SLIT1: variants seen among roughly 807,000 people sequenced by gnomAD.
SLIT1 encodes the protein slit guidance ligand 1.
SLIT1 carries 66 observed loss-of-function variants against 186.1 expected under a neutral mutation model. The ratio of observed to expected loss-of-function variants is 0.35; its 90% CI spans 0.29 to 0.44. SLIT1 has a LOEUF of 0.44. Ranked by LOEUF, SLIT1 falls within the 20% of genes least tolerant of loss-of-function variation. The pLI, the probability that SLIT1 is intolerant of heterozygous loss-of-function variation, is 1.00. For missense variants in SLIT1, 1,638 were observed against 2,037.4 expected (o/e 0.80, Z 3.77); for synonymous variants, 761 against 833.8 (o/e 0.91, Z 1.50).
At chr10:97,038,194 C>G (rs1848657635) in intron 21 of SLIT1, among the ~76,000 whole-genome samples, 2 of 152,200 alleles carry the variant, frequency 1.3e-5, no homozygotes, top group South Asian at 4.1e-4. Flanking sequence ...TGATTCACAG[C>G]CAGACTGCCC....
intron 3 of SLIT1, among the ~76,000 whole-genome samples, chr10:97,163,009 G>A (rs984146152): frequency 2.0e-5 from 3 of 152,214 alleles, no homozygotes; most frequent in African/African-American, 4.8e-5. Flanking sequence ...GACAGGTTCC[G>A]TTGGCACGGC....
chr10:97,141,859 C>T (rs1332918154), intron 4 of SLIT1, among the ~76,000 whole-genome samples: 6 of 152,132 alleles, frequency 3.9e-5, no homozygotes, highest in Non-Finnish European at 8.8e-5. Context: ...GTGGCATGCT[C>T]ATGGTTCACT....
intron 4 of SLIT1, among the ~76,000 whole-genome samples, chr10:97,151,599 G>A (rs571361518): frequency 6.6e-6 from 1 of 151,934 alleles, no homozygotes; most frequent in South Asian, 2.1e-4. Flanking sequence ...TGGAGGGGGT[G>A]GATGGGTGAG....
At chr10:97,072,008 T>A (rs1463420753) in intron 4 of SLIT1, among the ~76,000 whole-genome samples, 2 of 152,172 alleles carry the variant, frequency 1.3e-5, no homozygotes, top group Non-Finnish European at 2.9e-5. Flanking sequence ...GCCCAGTCTA[T>A]GCAAAGACGC....
intron 4 of SLIT1, among the ~76,000 whole-genome samples, chr10:97,107,728 C>T (rs566729189): frequency 6.6e-6 from 1 of 152,242 alleles, no homozygotes; most frequent in East Asian, 1.9e-4. Flanking sequence ...AAGGACCCTG[C>T]CCCACCCCCA....
intron 28 of SLIT1, among the ~76,000 whole-genome samples, chr10:97,016,753 G>T (rs1848457964): frequency 6.6e-6 from 1 of 152,172 alleles, no homozygotes; most frequent in South Asian, 2.1e-4. Flanking sequence ...AACTTAAAAT[G>T]AAAATTTTAG....
intron 4 of SLIT1, among the ~76,000 whole-genome samples, chr10:97,076,384 C>A (rs961839475): frequency 1.3e-5 from 2 of 152,176 alleles, no homozygotes; most frequent in African/African-American, 4.8e-5. Context: ...GGGTGGGACG[C>A]TGGGATGCAC....
At chr10:97,069,589 G>A (rs1848983944) in intron 4 of SLIT1, among the ~76,000 whole-genome samples, 1 of 152,212 alleles carries the variant, frequency 6.6e-6, no homozygotes, top group African/African-American at 2.4e-5. Flanking sequence ...GGGAGGAGAG[G>A]TGATCTCTGA....
intron 13 of SLIT1, among the ~76,000 whole-genome samples, chr10:97,055,406 G>T (rs922426938): frequency 1.3e-5 from 2 of 152,262 alleles, no homozygotes; most frequent in Non-Finnish European, 2.9e-5. Context: ...CGTTGCCCAG[G>T]TGGGAGTGCA....
At chr10:97,088,428 C>T (rs1199095195) in intron 4 of SLIT1, among the ~76,000 whole-genome samples, 1 of 152,146 alleles carries the variant, frequency 6.6e-6, no homozygotes, top group South Asian at 2.1e-4. Context: ...ACTGACAGCC[C>T]TAATTTCTAT....
intron 4 of SLIT1, among the ~76,000 whole-genome samples, chr10:97,067,737 C>T (rs957801571): frequency 3.9e-5 from 6 of 152,150 alleles, no homozygotes; most frequent in Admixed American, 6.5e-5. Context: ...CCAGACACAC[C>T]GGGGTCCTGA....
intron 13 of SLIT1, among the ~76,000 whole-genome samples, chr10:97,052,725 G>C (rs1158237014): frequency 6.6e-6 from 1 of 152,166 alleles, no homozygotes; most frequent in Non-Finnish European, 1.5e-5. Context: ...CTTCGCCACA[G>C]ATCTTGGAGC....
Position 97,002,521 on chromosome 10 carries a change from C to T in SLIT1, c.4155-152G>A, listed in dbSNP as rs1226716800. The stretch of plus-strand genomic sequence containing the variant: ...AAACTGAAACAAAGGGAGTTGCATG[C>T]GACTATGTGTGTGTCCCTATAGGCC... On this transcript the variant is annotated intron_variant, in intron 35 of 36. Transcript: ENST00000266058. 27 of 754,570 alleles carry T rather than the reference C, an allele frequency of 3.6e-5. 1 individual carries two copies. The South Asian group carries it at 4.5e-4, about 13-fold the overall frequency. 46.7% of individuals were successfully genotyped at this position (754,570 alleles called of 1,614,324 possible). A position where few individuals can be genotyped will look rare whatever the true frequency, so the allele number is the denominator to read the frequency against.
chr10:97,039,890 T>C, intron 21 of SLIT1, 98 bp downstream of exon 21: 1 of 1,401,666 alleles, frequency 7.1e-7, no homozygotes, highest in Non-Finnish European at 9.8e-7. Flanking sequence ...CTTGGTCACC[T>C]CCTCCTCCCA....
At chr10:97,167,571 G>C (rs951849406) in intron 1 of SLIT1, among the ~76,000 whole-genome samples, 31 of 152,324 alleles carry the variant, frequency 2.0e-4, no homozygotes, top group African/African-American at 4.3e-4. Flanking sequence ...AAATGGTACA[G>C]ATCTGTTTCT....
intron 13 of SLIT1, among the ~76,000 whole-genome samples, chr10:97,053,490 G>A (rs1245852354): frequency 6.6e-6 from 1 of 152,152 alleles, no homozygotes; most frequent in Non-Finnish European, 1.5e-5. Flanking sequence ...GTCCCCAGGG[G>A]TCACGAGCTG....
At chr10:97,118,071 G>C (rs1348281738) in intron 4 of SLIT1, among the ~76,000 whole-genome samples, 1 of 150,292 alleles carries the variant, frequency 6.7e-6, no homozygotes, top group Non-Finnish European at 1.5e-5. Context: ...TACTATTTAA[G>C]ATTCTACTTT....
At chr10:97,002,563 A>G (rs1302387136) in intron 35 of SLIT1, 141 bp downstream of exon 35, 4 of 861,822 alleles carry the variant, frequency 4.6e-6, no homozygotes, top group Non-Finnish European at 6.9e-6. Flanking sequence ...TATTAATAAA[A>G]AGTGAAAGCC....
Position 97,051,261 on chromosome 10 carries a change from CAA to C in SLIT1, c.1302-2145_1302-2144del, listed in dbSNP as rs5787214. On this transcript the variant is annotated intron_variant, in intron 13 of 36. Coordinates refer to ENST00000266058, the MANE Select transcript of SLIT1 (RefSeq NM_003061.3). The stretch of plus-strand genomic sequence containing the variant: ...CACTAGGATGGCTAGAATCAAAATG[CAA>C]AAAAAAAAAAGACAAACAATACCAA... 3.0e-3 allele frequency among the ~76,000 whole-genome samples: 444 copies of C among 147,726 alleles called. 4 individuals are homozygous for C. The highest frequency in any genetic ancestry group is 8.6e-3 in the African/African-American group (345 of 40,328).
Sources: allele counts gnomAD v4.1 joint callset (sites outside exome capture counted in the v4.1 genomes callset), GRCh38; gene constraint gnomAD v4.1.1; transcripts MANE v1.5; gene names NCBI Gene and HGNC (gene_info 2026-07-23, HGNC 2026-07-21).